The following PLAGL1 variants were observed in gnomAD, a reference collection of about 807,000 sequenced individuals.
The protein encoded by PLAGL1 is zinc finger protein PLAGL1.
A neutral mutation model predicts 4.6 loss-of-function variants in PLAGL1; 1 was observed. That is an observed-to-expected ratio of 0.22 (90% CI 0.08 to 1.03). PLAGL1 has a LOEUF of 1.03. Ranked by LOEUF, PLAGL1 falls within the 50% of genes least tolerant of loss-of-function variation. The pLI, the probability that PLAGL1 is intolerant of heterozygous loss-of-function variation, is 0.58. For missense variants in PLAGL1, 464 were observed against 570.4 expected, an observed-to-expected ratio of 0.81 and a Z score of 1.90; for synonymous variants, 240 against 237.8, an observed-to-expected ratio of 1.01 and a Z score of -0.08.
At chr6:143,977,752 G>A (rs1273009161) in intron 2 of PLAGL1, among the ~76,000 whole-genome samples, 5 of 151,900 alleles carry the variant, frequency 3.3e-5, no homozygotes, top group East Asian at 1.9e-4. Context: ...CACCCATCTC[G>A]GCCTCCAAAG....
chr6:144,045,280 G>A (rs1192527593), intron 1 of PLAGL1, among the ~76,000 whole-genome samples: 9 of 152,026 alleles, frequency 5.9e-5, no homozygotes, highest in Non-Finnish European at 1.2e-4. Flanking sequence ...TCCTAGTATC[G>A]ATGGTCTTTA....
intron 2 of PLAGL1, among the ~76,000 whole-genome samples, chr6:143,977,090 C>CT (rs1015718212): frequency 6.1e-5 from 9 of 148,224 alleles, no homozygotes; most frequent in Admixed American, 4.0e-4. Context: ...CCTTCCCCCC[C>CT]CCCAACACAC....
At chr6:144,038,027 T>C (rs1797392353) in intron 1 of PLAGL1, among the ~76,000 whole-genome samples, 2 of 152,128 alleles carry the variant, frequency 1.3e-5, no homozygotes, top group South Asian at 4.1e-4. Context: ...GTCTCTGAGA[T>C]CTGTGGGAAC....
At chr6:144,058,841 T>G (rs1199579565) in intron 1 of PLAGL1, among the ~76,000 whole-genome samples, 1 of 152,124 alleles carries the variant, frequency 6.6e-6, no homozygotes, top group South Asian at 2.1e-4. Context: ...CCTGTAGCTT[T>G]GCATGGTACA....
Position 143,942,411 on chromosome 6 carries a change from T to G in PLAGL1, c.405A>C (p.Leu135=), listed in dbSNP as rs374451635. ...CALELGSTEV[L]LDHLKAHAEE... is the part of the protein sequence containing the mutation. Reference sequence around the variant, plus strand: ...CCGCATGGGCTTTGAGGTGGTCCAGTAGCACCTCGGTGCTCCCTAGCTCCA... The same window carrying G: ...CCGCATGGGCTTTGAGGTGGTCCAGGAGCACCTCGGTGCTCCCTAGCTCCA... The change falls in exon 8 of 8, where the codon CTA becomes CTC. Residue 135 remains leucine, a synonymous_variant. Transcript: ENST00000674357. The surrounding 1 kb of genome is among the most constrained non-coding windows in gnomAD (Gnocchi z 7.6). 9.3e-6 allele frequency: 15 copies of G among 1,613,986 alleles called. No homozygotes were observed. In the Admixed American group the frequency reaches 1.2e-4, roughly 13 times the overall value.
upstream of PLAGL1, among the ~76,000 whole-genome samples, chr6:144,010,433 A>T (rs1280998606): frequency 6.6e-6 from 1 of 152,200 alleles, no homozygotes; most frequent in East Asian, 1.9e-4. This position sits in a 1 kb window ranked among gnomAD's most constrained non-coding sequence, Gnocchi z 4.1. Flanking sequence ...ACTACAAACC[A>T]CTGCTTAAGG....
At chr6:143,977,780 G>A (rs1180908599) in intron 2 of PLAGL1, among the ~76,000 whole-genome samples, 2 of 152,082 alleles carry the variant, frequency 1.3e-5, no homozygotes, top group African/African-American at 4.8e-5. Context: ...GGTTATAGGT[G>A]TGAGCCACTG....
rs974485081 is a variant in PLAGL1 at position 144,027,042 on chromosome 6, C to A, written c.-151+37426G>T. 6.6e-6 allele frequency among the ~76,000 whole-genome samples: 1 copy of A among 151,678 alleles called. No individual in the cohort carries two copies. Among genetic ancestry groups the A allele is most frequent in the African/African-American group, 2.4e-5 (1 of 41,262 alleles). On this transcript the variant is annotated intron_variant, in intron 1 of 3. Coordinates refer to the PLAGL1 transcript ENST00000437412. The surrounding 1 kb of genome is among the most constrained non-coding windows in gnomAD (Gnocchi z 5.8). The stretch of plus-strand genomic sequence containing the variant: ...GTGTGGGTAAAAAAGTAAGACCCCA[C>A]CCCCCGACTCTACAAAAACAAAATT...
rs911218063 is a variant in PLAGL1 at position 143,954,381 on chromosome 6, A to T, written c.-324-5921T>A. On this transcript the variant is annotated intron_variant, in intron 6 of 7. Transcript: ENST00000674357. This position sits in a 1 kb window ranked among gnomAD's most constrained non-coding sequence, Gnocchi z 5.1. ...CAGAGGTCCTTAAAAGAAGAGCAGG[A>T]TATTATTTTTTAAAGAGGACAACAC... 6.6e-6 allele frequency among the ~76,000 whole-genome samples: 1 copy of T among 152,348 alleles called. No individual in the cohort carries two copies. The highest frequency in any genetic ancestry group is 2.1e-4 in the South Asian group (1 of 4,826).
intron 1 of PLAGL1, among the ~76,000 whole-genome samples, chr6:144,044,097 T>A (rs1797943661): frequency 6.6e-6 from 1 of 152,236 alleles, no homozygotes; most frequent in South Asian, 2.1e-4. Context: ...GCTAGTGGTC[T>A]ATCAATTTTG....
chr6:143,992,825 A>G lies in PLAGL1; in HGVS notation c.-583-7651T>C, dbSNP rs148000099. Among the ~76,000 whole-genome samples the G allele has an allele frequency of 1.4e-4, 21 of 152,114 alleles. No homozygotes were observed. In the East Asian group the frequency reaches 4.1e-3, roughly 29 times the overall value. On this transcript the variant is annotated intron_variant, in intron 1 of 7. Coordinates refer to ENST00000674357, the MANE Select transcript of PLAGL1 (RefSeq NM_001317162.2). ...AAACCTCATCTCTACTAAAAACACA[A>G]AAATTAGCTGGGTGTGGTGGCGCGT... is the stretch of plus-strand genomic sequence containing the variant.
In PLAGL1 at chr6:143,979,106, T is replaced by C. The variant is rs142584778; in HGVS notation, c.-544+6029A>G. On this transcript the variant is annotated intron_variant, in intron 2 of 7. Coordinates refer to ENST00000674357, the MANE Select transcript of PLAGL1 (RefSeq NM_001317162.2). The surrounding 1 kb of genome is among the most constrained non-coding windows in gnomAD (Gnocchi z 4.6). ...AATATGAATACAGTCACCACAGTTT[T>C]AAAAAATCAGTGCTAAAAATGATAT... Among the ~76,000 whole-genome samples, 48 of 152,332 alleles carry C rather than the reference T, an allele frequency of 3.2e-4. No individual in the cohort carries two copies. The highest frequency in any genetic ancestry group is 5.7e-4 in the Non-Finnish European group (39 of 67,998).
chr6:144,044,703 A>G (rs1203936278), intron 1 of PLAGL1, among the ~76,000 whole-genome samples: 1 of 152,192 alleles, frequency 6.6e-6, no homozygotes, highest in African/African-American at 2.4e-5. Flanking sequence ...CTTGGTGCAG[A>G]GCTGAGTCCA....
At chr6:144,021,706 T>C (rs1183179150) in intron 1 of PLAGL1, among the ~76,000 whole-genome samples, 1 of 152,226 alleles carries the variant, frequency 6.6e-6, no homozygotes, top group Non-Finnish European at 1.5e-5. Flanking sequence ...AAGGCCATCA[T>C]TACAGTTGAG....
intron 1 of PLAGL1, among the ~76,000 whole-genome samples, chr6:144,023,838 G>A (rs571603900): frequency 1.5e-5 from 2 of 135,512 alleles, no homozygotes; most frequent in Non-Finnish European, 3.1e-5. Context: ...GTGCAGTGGT[G>A]CAATCTTGGC....
chr6:144,034,184 G>A lies in PLAGL1; in HGVS notation c.-151+30284C>T, dbSNP rs6914895. Among the ~76,000 whole-genome samples, 4,738 of 152,234 alleles carry A rather than the reference G, an allele frequency of 0.031. 247 individuals are homozygous for A. Among genetic ancestry groups the A allele is most frequent in the African/African-American group, 0.11 (4,425 of 41,512 alleles). ...AAACCACGTTGTTGGAGGAGGGGGT[G>A]CCCCAGCTTAGCGAACCCCAGCCTC... On this transcript the variant is annotated intron_variant, in intron 1 of 3. Coordinates refer to the PLAGL1 transcript ENST00000437412. The surrounding 1 kb of genome is among the most constrained non-coding windows in gnomAD (Gnocchi z 4.7).
rs999200728 is a variant in PLAGL1, at chr6:144,022,159, T to G, written c.-151+42309A>C. ...CAAATCACATATCTGAGAAATAACT[T>G]ATATTAAATATACAAAGAACACTTA... On this transcript the variant is annotated intron_variant, in intron 1 of 3. Transcript: ENST00000437412. The surrounding 1 kb of genome is among the most constrained non-coding windows in gnomAD (Gnocchi z 4.2). Among the ~76,000 whole-genome samples, 1 of 143,132 alleles carries G rather than the reference T, an allele frequency of 7.0e-6. No homozygotes were observed. The highest frequency in any genetic ancestry group is 3.0e-5 in the African/African-American group (1 of 33,038). The allele number at this position is 143,132 out of a possible 152,430, so 93.9% of individuals were successfully genotyped here.
rs1157591102 is a variant in PLAGL1, at chr6:144,006,804, T to C, written c.-584+1286A>G. ...ATCTAGGGCAGTGGCTTTCAAACTT[T>C]TTTGTCCATGACTCATACTAAGGAA... On this transcript the variant is annotated intron_variant, in intron 1 of 7. Coordinates refer to ENST00000674357, the MANE Select transcript of PLAGL1 (RefSeq NM_001317162.2). This position sits in a 1 kb window ranked among gnomAD's most constrained non-coding sequence, Gnocchi z 4.3. The C allele has an allele frequency of 6.6e-6, 1 of 152,138 alleles. No individual in the cohort carries two copies. Among genetic ancestry groups the C allele is most frequent in the Non-Finnish European group, 1.5e-5 (1 of 68,024 alleles). The allele number at this position is 152,138 out of a possible 1,614,324, so 9.4% of individuals were successfully genotyped here.
At chr6:144,062,488 A>AC (rs1289869611) in intron 1 of PLAGL1, among the ~76,000 whole-genome samples, 10 of 150,982 alleles carry the variant, frequency 6.6e-5, no homozygotes, top group Middle Eastern at 3.2e-3. Flanking sequence ...AAAAAAAAAA[A>AC]AAAAAAACAC....
Sources: gnomAD v4.1 joint callset for allele counts (sites outside exome capture counted in the v4.1 genomes callset) on GRCh38, gnomAD v4.1.1 for gene constraint, Gnocchi (gnomAD v3.1) non-coding constraint, MANE v1.5 for transcripts, NCBI Gene and HGNC (gene_info 2026-07-23, HGNC 2026-07-21) for gene names.